The following RYR2 variants were observed in gnomAD, a reference collection of about 807,000 sequenced individuals.
The protein encoded by RYR2 is ryanodine receptor 2.
In RYR2, 227 loss-of-function variants were observed where a neutral mutation model predicts 601.1. That is an observed-to-expected ratio of 0.38 (90% CI 0.34 to 0.42). RYR2 has a LOEUF of 0.42. Among genes scored for constraint, RYR2 ranks in the 10% least tolerant of loss-of-function variants. The probability of loss-of-function intolerance (pLI) is 1.00; values close to 1 mark genes in which losing one functional copy is unlikely to be tolerated. For missense variants in RYR2, 4,646 were observed against 6,156.5 expected (o/e 0.75, Z 8.21); for synonymous variants, 2,223 against 2,175.1 (o/e 1.02, Z -0.61).
chr1:237,250,868 G>A (rs191203457), intron 1 of RYR2, among the ~76,000 whole-genome samples: 56 of 152,280 alleles, frequency 3.7e-4, no homozygotes, highest in African/African-American at 1.3e-3. Context: ...CAAAAACACT[G>A]TTGTTGGAAC....
At chr1:237,490,719 C>T (rs1407234359) in intron 17 of RYR2, among the ~76,000 whole-genome samples, 2 of 152,146 alleles carry the variant, frequency 1.3e-5, no homozygotes, top group African/African-American at 4.8e-5. Context: ...CAAACTAAGT[C>T]ATTAGTGAAG....
At chr1:237,175,907 A>G (rs983404397) in intron 1 of RYR2, among the ~76,000 whole-genome samples, 1 of 152,140 alleles carries the variant, frequency 6.6e-6, no homozygotes, top group Non-Finnish European at 1.5e-5. Flanking sequence ...TGTTAAACAC[A>G]TTGTAGACGT....
intron 1 of RYR2, among the ~76,000 whole-genome samples, chr1:237,061,743 G>A (rs1662920654): frequency 6.6e-6 from 1 of 151,862 alleles, no homozygotes; most frequent in African/African-American, 2.4e-5. Context: ...TAGTGTCGAA[G>A]AGCAGTTTTT....
chr1:237,371,694 A>G (rs925906743), intron 6 of RYR2, among the ~76,000 whole-genome samples: 1 of 152,192 alleles, frequency 6.6e-6, no homozygotes, highest in Non-Finnish European at 1.5e-5. Flanking sequence ...TGGCACATAT[A>G]CGCCATGGAA....
intron 25 of RYR2, among the ~76,000 whole-genome samples, chr1:237,541,912 G>A (rs542534452): frequency 7.9e-5 from 12 of 152,044 alleles, no homozygotes; most frequent in Non-Finnish European, 1.5e-4. Context: ...CAGTTAAGGC[G>A]GGGCAGGGCA....
chr1:237,342,369 T>G (rs2787110), intron 3 of RYR2, among the ~76,000 whole-genome samples: 26,619 of 150,090 alleles, frequency 0.18, 2,562 homozygotes, highest in East Asian at 0.33. Flanking sequence ...GCCCAGGCTG[T>G]CCTTGAACTC....
chr1:237,160,577 G>A (rs1675896713), intron 1 of RYR2, among the ~76,000 whole-genome samples: 1 of 151,888 alleles, frequency 6.6e-6, no homozygotes, highest in Admixed American at 6.6e-5. Context: ...TGGAAGGGAT[G>A]ATGGGCAGTG....
At chr1:237,275,515 G>A (rs1287280549) in intron 2 of RYR2, among the ~76,000 whole-genome samples, 1 of 151,762 alleles carries the variant, frequency 6.6e-6, no homozygotes, top group African/African-American at 2.4e-5. Context: ...ATGCCAAAGG[G>A]TACATTTCTC....
chr1:237,067,002 A>C (rs888762228), intron 1 of RYR2, among the ~76,000 whole-genome samples: 5 of 152,112 alleles, frequency 3.3e-5, no homozygotes, highest in Admixed American at 6.6e-5. Context: ...GGACTTTATA[A>C]AAAATGCTGA....
intron 38 of RYR2, among the ~76,000 whole-genome samples, chr1:237,620,704 G>A (rs764585296): frequency 7.3e-5 from 11 of 151,686 alleles, no homozygotes; most frequent in Admixed American, 1.3e-4. Context: ...AGGAGATAAG[G>A]ATCATACATA....
intron 2 of RYR2, among the ~76,000 whole-genome samples, chr1:237,306,626 T>A (rs749135339): frequency 1.2e-4 from 17 of 136,658 alleles, no homozygotes; most frequent in Non-Finnish European, 1.8e-4. Context: ...TCTCCTGATA[T>A]CAGCTTTGAC....
chr1:237,806,407 T>C (rs1660640780), intron 99 of RYR2, 124 bp downstream of exon 99: 1 of 905,286 alleles, frequency 1.1e-6, no homozygotes, highest in Non-Finnish European at 1.7e-6. Flanking sequence ...AGGGAGGGTC[T>C]GCACCTGTTC....
Position 237,050,534 on chromosome 1 carries a change from C to T in RYR2, c.48+7965C>T, listed in dbSNP as rs114419407. On this transcript the variant is annotated intron_variant, in intron 1 of 104. Transcript: ENST00000366574. Reference sequence around the variant, plus strand: ...TCTACTATGGCAAGCACTTTTTTTCCTTTAACATTTTTGGTATTTTAAGAG... The same window carrying T: ...TCTACTATGGCAAGCACTTTTTTTCTTTTAACATTTTTGGTATTTTAAGAG... 3.2e-3 allele frequency among the ~76,000 whole-genome samples: 486 copies of T among 152,262 alleles called. 4 individuals are homozygous for T. The highest frequency in any genetic ancestry group is 3.4e-3 in the Non-Finnish European group (229 of 67,996).
At chr1:237,172,812 C>T (rs1057014599) in intron 1 of RYR2, among the ~76,000 whole-genome samples, 3 of 151,968 alleles carry the variant, frequency 2.0e-5, no homozygotes, top group Non-Finnish European at 2.9e-5. Context: ...GTTGGTGGTT[C>T]GAGTCAGGAC....
At chr1:237,394,451 ATGC>A (rs1367550748) in intron 10 of RYR2, among the ~76,000 whole-genome samples, 1 of 152,192 alleles carries the variant, frequency 6.6e-6, no homozygotes, top group Non-Finnish European at 1.5e-5. Flanking sequence ...GCTTCTTGGG[ATGC>A]TGGTTAGGCA....
intron 56 of RYR2, among the ~76,000 whole-genome samples, chr1:237,664,511 TG>T (rs1684112580): frequency 6.6e-6 from 1 of 152,152 alleles, no homozygotes; most frequent in Non-Finnish European, 1.5e-5. Flanking sequence ...TCTCACATGG[TG>T]GTAGACGAGA....
chr1:237,281,483 A>T (rs906182763), intron 2 of RYR2, among the ~76,000 whole-genome samples: 2 of 152,250 alleles, frequency 1.3e-5, no homozygotes, highest in East Asian at 3.8e-4. Flanking sequence ...CTTGTTGGAA[A>T]AAACCTACCT....
intron 1 of RYR2, among the ~76,000 whole-genome samples, chr1:237,162,974 G>A (rs1056367420): frequency 6.6e-6 from 1 of 152,114 alleles, no homozygotes; most frequent in Non-Finnish European, 1.5e-5. Context: ...GTAGAAACAG[G>A]AGTCCATCAG....
At chr1:237,153,941 T>C (rs893023560) in intron 1 of RYR2, among the ~76,000 whole-genome samples, 1 of 152,200 alleles carries the variant, frequency 6.6e-6, no homozygotes, top group African/African-American at 2.4e-5. Context: ...CTCATGACTT[T>C]CAAAAATTTT....
Sources: gnomAD v4.1 joint callset for allele counts (sites outside exome capture counted in the v4.1 genomes callset) on GRCh38, gnomAD v4.1.1 for gene constraint, MANE v1.5 for transcripts, NCBI Gene and HGNC (gene_info 2026-07-23, HGNC 2026-07-21) for gene names.